FER: variants seen among roughly 807,000 people sequenced by gnomAD.
The protein encoded by FER is FER tyrosine kinase.
In FER, 63 loss-of-function variants were observed where a neutral mutation model predicts 111.0. The observed-to-expected ratio is 0.57, with a 90% CI of 0.46 to 0.70. The LOEUF (loss-of-function observed/expected upper bound fraction) is 0.70. FER is among the 30% of genes least tolerant of loss of function. FER has a pLI of 0.00. For synonymous variants in FER, 327 were observed against 313.9 expected (o/e 1.04, Z -0.44); for missense variants, 914 against 954.0 (o/e 0.96, Z 0.55).
chr5:108,878,393 GAATGTATATAC>G (rs1202102493), intron 8 of FER, among the ~76,000 whole-genome samples: 1 of 151,962 alleles, frequency 6.6e-6, no homozygotes, highest in Non-Finnish European at 1.5e-5. Flanking sequence ...TATTTTTCCA[GAATGTATATAC>G]AATGTATATA....
chr5:109,111,068 TG>T (rs1749556523), intron 17 of FER, among the ~76,000 whole-genome samples: 1 of 152,176 alleles, frequency 6.6e-6, no homozygotes, highest in African/African-American at 2.4e-5. Context: ...ATTGGACATA[TG>T]TTTCCCAAAT....
chr5:109,045,855 A>G (rs546333664), intron 15 of FER, among the ~76,000 whole-genome samples: 13 of 152,314 alleles, frequency 8.5e-5, no homozygotes, highest in Admixed American at 7.8e-4. Flanking sequence ...TGCAGTGGAA[A>G]TTCAGGCTGT....
chr5:108,827,375 C>T (rs576818214), intron 3 of FER, among the ~76,000 whole-genome samples: 44 of 152,192 alleles, frequency 2.9e-4, no homozygotes, highest in African/African-American at 9.6e-4. Flanking sequence ...TCAAATGATC[C>T]GTACCCTATA....
intron 9 of FER, among the ~76,000 whole-genome samples, chr5:108,896,062 C>A (rs1749045050): frequency 1.3e-5 from 2 of 151,996 alleles, no homozygotes; most frequent in African/African-American, 4.8e-5. Flanking sequence ...AAATCATTCA[C>A]CTTTTTGTGA....
At chr5:108,956,026 A>G (rs1428324887) in intron 12 of FER, among the ~76,000 whole-genome samples, 1 of 151,768 alleles carries the variant, frequency 6.6e-6, no homozygotes, top group Non-Finnish European at 1.5e-5. Flanking sequence ...TATATCCATT[A>G]AAGTATTTCC....
chr5:108,803,448 G>T (rs1756887403), intron 3 of FER, among the ~76,000 whole-genome samples: 1 of 152,018 alleles, frequency 6.6e-6, no homozygotes, highest in Non-Finnish European at 1.5e-5. Context: ...TTTCTTCTAG[G>T]ATTCTTATAG....
chr5:108,978,913 G>A (rs1283991347), intron 13 of FER, among the ~76,000 whole-genome samples: 1 of 152,110 alleles, frequency 6.6e-6, no homozygotes, highest in Non-Finnish European at 1.5e-5. Context: ...ATTCAGATTG[G>A]AGAAATTATT....
At chr5:109,186,087 A>G (rs1187376551) in intron 18 of FER, 113 bp from the exon 19 acceptor site, 4 of 1,455,654 alleles carry the variant, frequency 2.7e-6, no homozygotes, top group African/African-American at 2.8e-5. Flanking sequence ...GTGCTCCATC[A>G]TTGACCAAAC....
At position 109,191,899 on chromosome 5, in the gene FER, C is replaced by T. The variant is rs1007055619; in HGVS notation, c.*4324C>T. 3 of 152,078 alleles carry T rather than the reference C, an allele frequency of 2.0e-5. No individual in the cohort carries two copies. Among genetic ancestry groups the T allele is most frequent in the African/African-American group, 7.2e-5 (3 of 41,412 alleles). 9.4% of individuals were successfully genotyped at this position (152,078 alleles called of 1,614,324 possible). A position where few individuals can be genotyped will look rare whatever the true frequency, so the allele number is the denominator to read the frequency against. On this transcript the variant is annotated 3_prime_UTR_variant, in exon 20 of 20. Transcript: ENST00000281092. The stretch of plus-strand genomic sequence containing the variant: ...GACCTACTTGAAGGAGATTTTGCTA[C>T]ACTCTTAGAGTCCCAAAAATTCCCC...
At chr5:108,918,894 C>T (rs1008279651) in intron 10 of FER, among the ~76,000 whole-genome samples, 2 of 152,178 alleles carry the variant, frequency 1.3e-5, no homozygotes, top group Admixed American at 1.3e-4. Flanking sequence ...CAATTGTATT[C>T]TGAGGAGAGT....
rs577724688 is a variant in FER at position 109,095,479 on chromosome 5, C to G, written c.1925-4917C>G. On this transcript the variant is annotated intron_variant, in intron 16 of 19. Transcript: ENST00000281092. ...TAGAGCCCTCTCCTGGCTAATCTCC[C>G]TTTCTGTGCAGCCCATCTCTCATAA... 4.6e-5 allele frequency among the ~76,000 whole-genome samples: 7 copies of G among 152,164 alleles called. No homozygotes were observed. The South Asian group carries it at 1.4e-3, about 32-fold the overall frequency.
chr5:109,187,741 A>G lies in FER; in HGVS notation c.*166A>G, dbSNP rs1759039788. On this transcript the variant is annotated 3_prime_UTR_variant, in exon 20 of 20. Transcript: ENST00000281092. ...AGTACGTTCCACTTGTAAAAAGTCA[A>G]AGGCAAATTTGTTAAAGAAATAGGC... 1 of 866,462 alleles carries G rather than the reference A, an allele frequency of 1.2e-6. No homozygotes were observed. The highest frequency in any genetic ancestry group is 3.5e-4 in the Middle Eastern group (1 of 2,860). 53.7% of individuals were successfully genotyped at this position (866,462 alleles called of 1,614,324 possible). A position where few individuals can be genotyped will look rare whatever the true frequency, so the allele number is the denominator to read the frequency against.
At chr5:109,034,548 A>G (rs1340954800) in intron 13 of FER, among the ~76,000 whole-genome samples, 1 of 152,010 alleles carries the variant, frequency 6.6e-6, no homozygotes, top group African/African-American at 2.4e-5. Flanking sequence ...TTCAAGGGTA[A>G]AAGTAGCCCA....
chr5:109,070,035 A>G lies in FER; in HGVS notation c.1924+22837A>G, dbSNP rs537835210. On this transcript the variant is annotated intron_variant, in intron 16 of 19. Coordinates refer to ENST00000281092, the MANE Select transcript of FER (RefSeq NM_005246.4). ...CAATCTTAAACGTTGAGATTTGCCT[A>G]TTCTCCTCATTAAGTGTAAATCAAA... is the stretch of plus-strand genomic sequence containing the variant. 1.0e-3 allele frequency among the ~76,000 whole-genome samples: 157 copies of G among 152,174 alleles called. 1 individual carries two copies. The highest frequency in any genetic ancestry group is 1.9e-3 in the Non-Finnish European group (127 of 67,914).
chr5:109,131,491 A>T (rs903517356), intron 17 of FER, among the ~76,000 whole-genome samples: 39 of 152,270 alleles, frequency 2.6e-4, no homozygotes, highest in African/African-American at 9.1e-4. Context: ...AGCATTAATA[A>T]TATTAGTTAT....
At chr5:108,955,700 G>C (rs1290354198) in intron 12 of FER, among the ~76,000 whole-genome samples, 1 of 151,738 alleles carries the variant, frequency 6.6e-6, no homozygotes, top group Non-Finnish European at 1.5e-5. Context: ...GCATTTTCAA[G>C]ATTGCTATCC....
intron 1 of FER, among the ~76,000 whole-genome samples, chr5:108,755,972 T>C (rs1461980618): frequency 6.7e-6 from 1 of 149,768 alleles, no homozygotes; most frequent in African/African-American, 2.4e-5. Context: ...GCCAACATGG[T>C]GAAACCCTGT....
At chr5:108,979,980 A>T (rs1761842544) in intron 13 of FER, among the ~76,000 whole-genome samples, 1 of 152,134 alleles carries the variant, frequency 6.6e-6, no homozygotes, top group Non-Finnish European at 1.5e-5. Context: ...TTTCAAAAAG[A>T]TACCAGGTAA....
chr5:108,883,483 TGAA>T lies in FER; in HGVS notation c.1015_1017del (p.Glu339del). On this transcript the variant is annotated inframe_deletion, in exon 9 of 20. Transcript: ENST00000281092. ...CTGTTTTGGAGTTAGAGAAGAGAAT[TGAA>T]GAATCTTCTGAAACTTGTGAGAAGA... The T allele has an allele frequency of 1.2e-6, 2 of 1,606,716 alleles. No individual in the cohort carries two copies. The highest frequency in any genetic ancestry group is 1.7e-6 in the Non-Finnish European group (2 of 1,175,330).
Sources: gnomAD v4.1 joint callset for allele counts (sites outside exome capture counted in the v4.1 genomes callset) on GRCh38, gnomAD v4.1.1 for gene constraint, MANE v1.5 for transcripts, NCBI Gene and HGNC (gene_info 2026-07-23, HGNC 2026-07-21) for gene names.